CENPF: variants seen among roughly 807,000 people sequenced by gnomAD.
CENPF encodes AH antigen.
In CENPF, 214 loss-of-function variants were observed where a neutral mutation model predicts 307.3. The ratio of observed to expected loss-of-function variants is 0.70; its 90% CI spans 0.62 to 0.78. The LOEUF (loss-of-function observed/expected upper bound fraction) is 0.78. Among genes scored for constraint, CENPF ranks in the 30% least tolerant of loss-of-function variants. The pLI, the probability that CENPF is intolerant of heterozygous loss-of-function variation, is 0.00. For missense variants in CENPF, 3,401 were observed against 3,483.9 expected, an observed-to-expected ratio of 0.98 and a Z score of 0.60; for synonymous variants, 1,259 against 1,270.6, an observed-to-expected ratio of 0.99 and a Z score of 0.19.
At position 214,623,037 on chromosome 1, in the gene CENPF, C is replaced by T. The variant is rs906461217; in HGVS notation, c.1068+756C>T. Among the ~76,000 whole-genome samples the T allele has an allele frequency of 2.6e-5, 4 of 152,162 alleles. No individual in the cohort carries two copies. The East Asian group carries it at 7.7e-4, about 29-fold the overall frequency. ...GACCAGCTAGCCCACATGACAAAAC[C>T]TTGTCTCTACTACAGGTACAAAAAT... On this transcript the variant is annotated intron_variant, in intron 7 of 19. Coordinates refer to ENST00000366955, the MANE Select transcript of CENPF (RefSeq NM_016343.4).
chr1:214,615,524 T>C (rs895121973), intron 3 of CENPF, among the ~76,000 whole-genome samples: 1 of 152,110 alleles, frequency 6.6e-6, no homozygotes, highest in Non-Finnish European at 1.5e-5. Context: ...AAAGCTGCTG[T>C]AGAGAATGAG....
At chr1:214,635,839 A>C (rs1657951719) in intron 10 of CENPF, among the ~76,000 whole-genome samples, 1 of 152,164 alleles carries the variant, frequency 6.6e-6, no homozygotes, top group African/African-American at 2.4e-5. Flanking sequence ...ACCAACAAAC[A>C]CATAAACATA....
chr1:214,605,606 T>C (rs1657001292), intron 1 of CENPF: 2 of 1,362,404 alleles, frequency 1.5e-6, no homozygotes, highest in Non-Finnish European at 2.0e-6. Context: ...ATGCAGCCCC[T>C]GGGGGGCCGG....
At chr1:214,653,616 A>G (rs1326469417) in intron 16 of CENPF, 1 of 154,330 alleles carries the variant, frequency 6.5e-6, no homozygotes, top group East Asian at 1.9e-4. Flanking sequence ...AGTGTATAGT[A>G]ATGAACCTGG....
intron 15 of CENPF, 128 bp from the exon 16 acceptor site, chr1:214,652,700 C>T (rs1179201623): frequency 1.4e-6 from 1 of 729,398 alleles, no homozygotes. Context: ...ACCTTGGCCT[C>T]CCAAAGTGCT....
intron 1 of CENPF, among the ~76,000 whole-genome samples, chr1:214,611,799 G>A (rs925068247): frequency 1.3e-5 from 2 of 152,238 alleles, no homozygotes; most frequent in African/African-American, 4.8e-5. Flanking sequence ...TCAGTGTATA[G>A]GAATGCTAGT....
chr1:214,655,301 A>C lies in CENPF; in HGVS notation c.8383A>C (p.Met2795Leu), dbSNP rs1374839442. ...KKENERAQGK[M>L]KLLIKSCKQL... ...GGAAAATGAACGTGCCCAGGGGAAA[A>C]TGAAGTTGTTGATCAAATCCTGTAA... The change falls in exon 17 of 20, where the codon ATG becomes CTG. Residue 2795 changes from methionine (M) to leucine (L), a missense_variant. By Grantham distance (15) the Met-to-Leu change is conservative. Transcript: ENST00000366955. 6.2e-7 allele frequency: 1 copy of C among 1,609,982 alleles called. No individual in the cohort carries two copies. The highest frequency in any genetic ancestry group is 1.3e-5 in the African/African-American group (1 of 74,800).
chr1:214,664,475 A>G lies in CENPF; in HGVS notation c.*681A>G, dbSNP rs534460572. The G allele has an allele frequency of 4.6e-5, 7 of 152,128 alleles. No homozygotes were observed. Among genetic ancestry groups the G allele is most frequent in the African/African-American group, 1.2e-4 (5 of 41,490 alleles). The allele number at this position is 152,128 out of a possible 1,614,324, so 9.4% of individuals were successfully genotyped here. A position where few individuals can be genotyped will look rare whatever the true frequency, so the allele number is the denominator to read the frequency against. On this transcript the variant is annotated 3_prime_UTR_variant, in exon 20 of 20. Coordinates refer to ENST00000366955, the MANE Select transcript of CENPF (RefSeq NM_016343.4). ...TGTGCTTTTTTCTGTTTTTAGACCAATTTTTTACAGTTCTTTGGTAAGCAT... is the reference window on the plus strand; with the variant it reads ...TGTGCTTTTTTCTGTTTTTAGACCAGTTTTTTACAGTTCTTTGGTAAGCAT...
At chr1:214,658,631 T>C (rs1658707874) in intron 18 of CENPF, among the ~76,000 whole-genome samples, 1 of 152,164 alleles carries the variant, frequency 6.6e-6, no homozygotes, top group Admixed American at 6.5e-5. Context: ...CCCATTGTTG[T>C]TTTCTATGTT....
At chr1:214,628,453 T>G (rs1169697247) in intron 7 of CENPF, among the ~76,000 whole-genome samples, 1 of 152,162 alleles carries the variant, frequency 6.6e-6, no homozygotes, top group African/African-American at 2.4e-5. Context: ...TTTGTTTTGT[T>G]TTGTTTTGAG....
rs1656931937 is a variant in CENPF, at chr1:214,603,268, G to A, written c.-95G>A. 1 of 152,320 alleles carries A rather than the reference G, an allele frequency of 6.6e-6. No individual in the cohort carries two copies. Among genetic ancestry groups the A allele is most frequent in the African/African-American group, 2.4e-5 (1 of 41,458 alleles). The allele number at this position is 152,320 out of a possible 1,614,324, so 9.4% of individuals were successfully genotyped here. A position where few individuals can be genotyped will look rare whatever the true frequency, so the allele number is the denominator to read the frequency against. ...AGACTCTGGGCTCCAGCCCGCCGAA[G>A]CCGCGCCAGAACTGTACTCTCCGAG... On this transcript the variant is annotated 5_prime_UTR_variant, in exon 1 of 20. Transcript: ENST00000366955.
chr1:214,662,579 C>G (rs943458715), intron 19 of CENPF, among the ~76,000 whole-genome samples: 1 of 152,190 alleles, frequency 6.6e-6, no homozygotes, highest in South Asian at 2.1e-4. Context: ...GTGTCTGTCA[C>G]GTAGTTACTT....
intron 7 of CENPF, among the ~76,000 whole-genome samples, chr1:214,626,033 T>C (rs533279602): frequency 6.6e-6 from 1 of 152,322 alleles, no homozygotes; most frequent in South Asian, 2.1e-4. Flanking sequence ...ATATATAAAA[T>C]CATTGCTAAG....
At chr1:214,617,947 G>T (rs1033381963) in intron 3 of CENPF, among the ~76,000 whole-genome samples, 2 of 152,088 alleles carry the variant, frequency 1.3e-5, no homozygotes, top group African/African-American at 4.8e-5. Context: ...CCTGAGCCTG[G>T]GTAAATTACA....
In CENPF at chr1:214,657,186, C is replaced by G; in HGVS notation, c.8739C>G (p.Ile2913Met). Residue 2913 changes from isoleucine (I) to methionine (M), a missense_variant, in exon 18 of 20, where the codon ATC (isoleucine) becomes ATG (methionine). Ile to Met is a conservative substitution (Grantham distance 10). Coordinates refer to ENST00000366955, the MANE Select transcript of CENPF (RefSeq NM_016343.4). ...LGPVVPGPSPIPSVTEKRLSS... is the reference protein window; with the variant it reads ...LGPVVPGPSPMPSVTEKRLSS... ...CAGTTGTTCCAGGACCATCTCCAAT[C>G]CCTTCTGTTACTGAAAAGAGGTTAT... 3 of 1,614,138 alleles carry G rather than the reference C, an allele frequency of 1.9e-6. No homozygotes were observed. The highest frequency in any genetic ancestry group is 2.5e-6 in the Non-Finnish European group (3 of 1,180,024).
intron 1 of CENPF, among the ~76,000 whole-genome samples, chr1:214,612,092 G>T (rs1157727818): frequency 1.3e-5 from 2 of 152,190 alleles, no homozygotes; most frequent in African/African-American, 4.8e-5. Context: ...TGCCCATTCA[G>T]TATGATGTTG....
At chr1:214,643,357 G>A (rs1402816886) in intron 12 of CENPF, 33 bp downstream of exon 12, 1 of 1,451,164 alleles carries the variant, frequency 6.9e-7, no homozygotes, top group Non-Finnish European at 9.1e-7. Context: ...CCATTTCTCG[G>A]TTTACATGAC....
intron 1 of CENPF, chr1:214,608,479 G>T: frequency 6.2e-7 from 1 of 1,612,826 alleles, no homozygotes; most frequent in Non-Finnish European, 8.5e-7. Context: ...CAGGTCCACG[G>T]CATTGCTGTG....
At chr1:214,616,359 G>A (rs970682904) in intron 3 of CENPF, among the ~76,000 whole-genome samples, 8 of 152,154 alleles carry the variant, frequency 5.3e-5, no homozygotes, top group Admixed American at 6.5e-5. Context: ...AATTCACCTC[G>A]AATCAGCAGA....
Sources: allele counts gnomAD v4.1 joint callset (sites outside exome capture counted in the v4.1 genomes callset), GRCh38; gene constraint gnomAD v4.1.1; transcripts MANE v1.5; gene names NCBI Gene and HGNC (gene_info 2026-07-23, HGNC 2026-07-21).